DNAH9: variants seen among roughly 807,000 people sequenced by gnomAD.
DNAH9 encodes dynein axonemal heavy chain 9.
A neutral mutation model predicts 471.6 loss-of-function variants in DNAH9; 345 were observed. That is an observed-to-expected ratio of 0.73 (90% CI 0.67 to 0.80). The LOEUF is 0.80. DNAH9 is among the 30% of genes least tolerant of loss of function. The pLI is 0.00. For missense variants in DNAH9, 5,407 were observed against 5,609.2 expected (o/e 0.96, Z 1.15); for synonymous variants, 2,093 against 2,123.6 (o/e 0.99, Z 0.40).
Position 11,727,842 on chromosome 17 carries a change from C to A in DNAH9, c.5734C>A (p.Leu1912Ile). Reference sequence around the variant, plus strand: ...GTCTTGTGGCAACATCTACAAAGGCCTTGCTCAGACTGGTGCCTGGGGCTG... The same window carrying A: ...GTCTTGTGGCAACATCTACAAAGGCATTGCTCAGACTGGTGCCTGGGGCTG... ...YKSCGNIYKGLAQTGAWGCFD... is the reference protein window; with the variant it reads ...YKSCGNIYKGIAQTGAWGCFD... Residue 1912 changes from leucine to isoleucine, a missense_variant, in exon 28 of 69, where the codon CTT (leucine) becomes ATT (isoleucine). Leu to Ile is a conservative substitution (Grantham distance 5). Coordinates refer to ENST00000262442, the MANE Select transcript of DNAH9 (RefSeq NM_001372.4). 6.2e-7 allele frequency: 1 copy of A among 1,613,994 alleles called. No individual in the cohort carries two copies. The highest frequency in any genetic ancestry group is 8.5e-7 in the Non-Finnish European group (1 of 1,179,850).
At chr17:11,632,555 G>T in intron 7 of DNAH9, 32 bp from the exon 8 acceptor site, 1 of 1,133,890 alleles carries the variant, frequency 8.8e-7, no homozygotes, top group Non-Finnish European at 1.3e-6. Flanking sequence ...AGAAAATTAC[G>T]TTTTCCTTAT....
intron 31 of DNAH9, among the ~76,000 whole-genome samples, chr17:11,745,462 C>A (rs2075508104): frequency 6.6e-6 from 1 of 152,080 alleles, no homozygotes; most frequent in African/African-American, 2.4e-5. Context: ...AAGAGAACAC[C>A]CAAAACCAGC....
chr17:11,664,340 A>G (rs1268096835), intron 14 of DNAH9, among the ~76,000 whole-genome samples: 2 of 152,224 alleles, frequency 1.3e-5, no homozygotes, highest in Non-Finnish European at 2.9e-5. Context: ...TGCATTTTCT[A>G]AATCACTCAG....
chr17:11,923,693 G>C (rs1974216990), intron 61 of DNAH9, 121 bp from the exon 62 acceptor site: 1 of 1,253,502 alleles, frequency 8.0e-7, no homozygotes, highest in Non-Finnish European at 1.1e-6. Context: ...TGAGGTTTCG[G>C]TTATAGATTT....
intron 50 of DNAH9, among the ~76,000 whole-genome samples, chr17:11,867,324 A>G (rs1972096290): frequency 6.6e-6 from 1 of 152,152 alleles, no homozygotes; most frequent in Admixed American, 6.5e-5. Context: ...AACCTCCTAG[A>G]TCAGTCCTCT....
intron 36 of DNAH9, among the ~76,000 whole-genome samples, chr17:11,764,415 T>C (rs1312117745): frequency 1.3e-5 from 2 of 152,226 alleles, no homozygotes; most frequent in Non-Finnish European, 2.9e-5. Context: ...ATTTTAAGTA[T>C]ACAATACAGT....
At chr17:11,798,132 C>A (rs115811207) in intron 43 of DNAH9, among the ~76,000 whole-genome samples, 8,540 of 151,904 alleles carry the variant, frequency 0.056, 762 homozygotes, top group African/African-American at 0.19. Context: ...AGTCCAAGGG[C>A]CATTTAAAAA....
At chr17:11,876,238 A>G (rs1224692959) in intron 53 of DNAH9, among the ~76,000 whole-genome samples, 1 of 152,198 alleles carries the variant, frequency 6.6e-6, no homozygotes, top group African/African-American at 2.4e-5. Context: ...GCAATGGAAT[A>G]TTATTGCCTT....
Position 11,906,643 on chromosome 17 carries a change from A to AGG in DNAH9, c.11749+834_11749+835insGG, listed in dbSNP as rs535124522. On this transcript the variant is annotated intron_variant, in intron 61 of 68. Coordinates refer to ENST00000262442, the MANE Select transcript of DNAH9 (RefSeq NM_001372.4). ...ACTCTGTCTCAAAAAAAAAAAAAAA[A>AGG]AAAGAAAATGTGATACATATATACC... Among the ~76,000 whole-genome samples, 199 of 148,558 alleles carry AGG rather than the reference A, an allele frequency of 1.3e-3. 1 individual carries two copies. The highest frequency in any genetic ancestry group is 1.9e-3 in the Admixed American group (29 of 14,930).
In DNAH9 at chr17:11,669,944, T is replaced by C. The variant is rs561809944; in HGVS notation, c.3353+150T>C. ...AGAGGTTCTAGGCTTTTGGACACCATGGTAACTTAAGTCCTGCCCTTTTCT... is the reference window on the plus strand; with the variant it reads ...AGAGGTTCTAGGCTTTTGGACACCACGGTAACTTAAGTCCTGCCCTTTTCT... On this transcript the variant is annotated intron_variant, in intron 17 of 68. Coordinates refer to ENST00000262442, the MANE Select transcript of DNAH9 (RefSeq NM_001372.4). The C allele has an allele frequency of 1.3e-5, 9 of 704,168 alleles. No homozygotes were observed. In the East Asian group the frequency reaches 2.4e-4, roughly 18 times the overall value. 43.6% of individuals were successfully genotyped at this position (704,168 alleles called of 1,614,324 possible).
rs1485430673 is a variant in DNAH9, at chr17:11,921,246, T to TGC, written c.11750-2568_11750-2567insGC. Among the ~76,000 whole-genome samples, 34 of 151,384 alleles carry TGC rather than the reference T, an allele frequency of 2.2e-4. 1 individual carries two copies. The East Asian group carries it at 6.0e-3, about 27-fold the overall frequency. ...TGAAAAAAAAGAAAAAAAGGTGATT[T>TGC]TTTTTTTTTCTTTTTTATGAAGGTG... On this transcript the variant is annotated intron_variant, in intron 61 of 68. Coordinates refer to ENST00000262442, the MANE Select transcript of DNAH9 (RefSeq NM_001372.4).
intron 43 of DNAH9, among the ~76,000 whole-genome samples, chr17:11,805,719 A>C (rs889675823): frequency 6.6e-6 from 1 of 151,114 alleles, no homozygotes; most frequent in Non-Finnish European, 1.5e-5. Flanking sequence ...CATGCCTGCT[A>C]ATTTTTGTGT....
intron 50 of DNAH9, among the ~76,000 whole-genome samples, chr17:11,866,714 C>T (rs1202705305): frequency 6.6e-6 from 1 of 152,250 alleles, no homozygotes; most frequent in Non-Finnish European, 1.5e-5. Flanking sequence ...CTAAGCAAGC[C>T]TGGGCAATGG....
rs1317933792 is a variant in DNAH9, at chr17:11,664,975, A to G, written c.2731+7A>G. The G allele has an allele frequency of 6.2e-7, 1 of 1,610,684 alleles. No individual in the cohort carries two copies. The highest frequency in any genetic ancestry group is 8.5e-7 in the Non-Finnish European group (1 of 1,178,178). On this transcript the variant is annotated splice_region_variant and intron_variant, in intron 15 of 68. Coordinates refer to ENST00000262442, the MANE Select transcript of DNAH9 (RefSeq NM_001372.4). ...TATCTTCTGGAAAATACTGGTACTT[A>G]CTGGCTTATGGATGTGGGTTATTAT...
At chr17:11,611,885 A>G (rs762687336) in intron 4 of DNAH9, 105 bp downstream of exon 4, 1 of 1,150,348 alleles carries the variant, frequency 8.7e-7, no homozygotes, top group East Asian at 2.3e-5. Context: ...GTCCTTGTAA[A>G]TTTCCGACCC....
At position 11,871,705 on chromosome 17, in the gene DNAH9, T is replaced by C; in HGVS notation, c.10161T>C (p.Ile3387=). The part of the protein sequence containing the change: ...CGDILLITAF[I]SYLGFFTKKY... Reference sequence around the variant, plus strand: ...ACATTTTACTTATAACGGCTTTCATTTCCTACCTTGGCTTCTTCACAAAGA... The same window carrying C: ...ACATTTTACTTATAACGGCTTTCATCTCCTACCTTGGCTTCTTCACAAAGA... Residue 3387 remains isoleucine (I), a synonymous_variant, in exon 52 of 69, where the codon ATT becomes ATC. Transcript: ENST00000262442. The C allele has an allele frequency of 6.2e-7, 1 of 1,614,206 alleles. No homozygotes were observed. Among genetic ancestry groups the C allele is most frequent in the Non-Finnish European group, 8.5e-7 (1 of 1,180,028 alleles).
chr17:11,706,574 C>T (rs2074705228), intron 26 of DNAH9, among the ~76,000 whole-genome samples: 1 of 151,988 alleles, frequency 6.6e-6, no homozygotes, highest in Admixed American at 6.6e-5. Context: ...ACAGAGGGCC[C>T]CACTCACAGT....
chr17:11,777,581 A>T (rs556453263), intron 38 of DNAH9, among the ~76,000 whole-genome samples: 7 of 152,376 alleles, frequency 4.6e-5, no homozygotes, highest in African/African-American at 1.7e-4. Flanking sequence ...AGCTCATCAC[A>T]GTTCTGAATT....
chr17:11,930,131 C>T, intron 63 of DNAH9, 38 bp downstream of exon 63: 5 of 1,550,312 alleles, frequency 3.2e-6, no homozygotes, highest in Non-Finnish European at 4.4e-6. Context: ...AGCAGCACAC[C>T]TCACAGTCAG....
Sources: allele counts gnomAD v4.1 joint callset (sites outside exome capture counted in the v4.1 genomes callset), GRCh38; gene constraint gnomAD v4.1.1; transcripts MANE v1.5; gene names NCBI Gene and HGNC (gene_info 2026-07-23, HGNC 2026-07-21).